Variants in NRG1 observed in about 807,000 individuals in gnomAD.
NRG1 encodes the protein neuregulin 1, also known as pro-neuregulin-1, membrane-bound isoform.
NRG1 carries 18 observed loss-of-function variants against 63.8 expected under a neutral mutation model. The ratio of observed to expected loss-of-function variants is 0.28; its 90% CI spans 0.19 to 0.42. NRG1 has a LOEUF of 0.42. Ranked by LOEUF, NRG1 falls within the 10% of genes least tolerant of loss-of-function variation. NRG1 has a pLI of 1.00. For synonymous variants in NRG1, 302 were observed against 301.3 expected (o/e 1.00, Z -0.02); for missense variants, 762 against 814.7 (o/e 0.94, Z 0.79).
intron 1 of NRG1, among the ~76,000 whole-genome samples, chr8:32,502,537 CTTCTG>C (rs1380231767): frequency 5.5e-5 from 8 of 145,156 alleles, no homozygotes; most frequent in Non-Finnish European, 1.1e-4. Context: ...TTCTCTCTCT[CTTCTG>C]TTCTCTCTCT....
chr8:32,381,758 A>G (rs953601465), intron 1 of NRG1, among the ~76,000 whole-genome samples: 2 of 152,206 alleles, frequency 1.3e-5, no homozygotes, highest in African/African-American at 4.8e-5. Context: ...AGAAAATGTT[A>G]TGGATTTGGC....
chr8:32,434,543 A>G (rs774183813), intron 1 of NRG1, among the ~76,000 whole-genome samples: 2 of 152,140 alleles, frequency 1.3e-5, no homozygotes, highest in East Asian at 1.9e-4. Flanking sequence ...ATCGGGACCC[A>G]CCACTGGGAG....
At chr8:32,701,813 CA>C (rs1457941327) in intron 5 of NRG1, among the ~76,000 whole-genome samples, 2 of 151,980 alleles carry the variant, frequency 1.3e-5, no homozygotes, top group Non-Finnish European at 2.9e-5. Flanking sequence ...TTTAGTTGAA[CA>C]AAAAGAAAAC....
chr8:31,715,118 G>A (rs1233538689), intron 1 of NRG1, among the ~76,000 whole-genome samples: 1 of 151,992 alleles, frequency 6.6e-6, no homozygotes, highest in Non-Finnish European at 1.5e-5. Flanking sequence ...ATTGATTAAG[G>A]AGATCTATTT....
At chr8:32,552,385 A>T (rs981043127) in intron 1 of NRG1, among the ~76,000 whole-genome samples, 4 of 152,054 alleles carry the variant, frequency 2.6e-5, no homozygotes, top group African/African-American at 9.7e-5. Context: ...GCCAGATTCT[A>T]GAACTATCCT....
chr8:31,925,321 C>T (rs899078421), intron 1 of NRG1, among the ~76,000 whole-genome samples: 16 of 151,022 alleles, frequency 1.1e-4, no homozygotes, highest in Non-Finnish European at 2.4e-4. Context: ...TGTAATGACC[C>T]TTTTATCAGT....
At chr8:32,745,777 C>T (rs1287668184) in intron 7 of NRG1, among the ~76,000 whole-genome samples, 1 of 151,998 alleles carries the variant, frequency 6.6e-6, no homozygotes, top group Non-Finnish European at 1.5e-5. Context: ...AAAGCACCCA[C>T]ACTTTCAATA....
chr8:32,726,156 A>G (rs185928685), intron 5 of NRG1, among the ~76,000 whole-genome samples: 50 of 152,316 alleles, frequency 3.3e-4, no homozygotes, highest in Non-Finnish European at 5.1e-4. Flanking sequence ...TTCCAGAATA[A>G]CATGCACATC....
chr8:32,525,799 C>T (rs1197021256), intron 1 of NRG1, among the ~76,000 whole-genome samples: 1 of 152,120 alleles, frequency 6.6e-6, no homozygotes, highest in East Asian at 1.9e-4. Context: ...TTACTTAGCA[C>T]AAATCAACTT....
At chr8:32,161,318 A>T (rs1309884330) in intron 1 of NRG1, among the ~76,000 whole-genome samples, 1 of 152,186 alleles carries the variant, frequency 6.6e-6, no homozygotes. Flanking sequence ...AGACTCATTG[A>T]ATCAGTTAAT....
intron 5 of NRG1, chr8:32,646,805 TC>T: frequency 2.0e-6 from 2 of 985,052 alleles, no homozygotes; most frequent in East Asian, 2.3e-4. Flanking sequence ...AAATAGGAAG[TC>T]ACTGGCAGTC....
intron 1 of NRG1, among the ~76,000 whole-genome samples, chr8:32,332,026 A>G (rs1240312753): frequency 6.6e-6 from 1 of 152,030 alleles, no homozygotes; most frequent in Non-Finnish European, 1.5e-5. Flanking sequence ...TGGCTCATAC[A>G]TGTAACCCCA....
At chr8:31,805,827 C>CAAAA (rs58107730) in intron 1 of NRG1, among the ~76,000 whole-genome samples, 20 of 105,256 alleles carry the variant, frequency 1.9e-4, no homozygotes, top group Admixed American at 5.6e-4. Context: ...GACTCCGTCT[C>CAAAA]AAAAAAAAAA....
intron 1 of NRG1, among the ~76,000 whole-genome samples, chr8:32,444,046 CTT>C (rs967033352): frequency 8.4e-5 from 12 of 143,488 alleles, no homozygotes; most frequent in Non-Finnish European, 1.4e-4. Context: ...TCCTTCCTTT[CTT>C]TTTCTTTCTC....
chr8:32,214,135 A>G (rs966538457), intron 1 of NRG1, among the ~76,000 whole-genome samples: 5 of 152,042 alleles, frequency 3.3e-5, no homozygotes, highest in African/African-American at 1.2e-4. Context: ...GGGAGGGAAA[A>G]CACCTTTGCA....
intron 1 of NRG1, among the ~76,000 whole-genome samples, chr8:32,104,074 T>C (rs889338312): frequency 2.7e-5 from 4 of 150,104 alleles, no homozygotes; most frequent in African/African-American, 9.7e-5. Flanking sequence ...GATAAATGCA[T>C]TATTAGACTA....
chr8:32,655,784 G>A (rs549183908), intron 5 of NRG1, among the ~76,000 whole-genome samples: 11 of 152,148 alleles, frequency 7.2e-5, no homozygotes, highest in Non-Finnish European at 1.3e-4. Flanking sequence ...TAGGGAAAGC[G>A]ATAAGGAGTT....
rs149989872 is a variant in NRG1, at chr8:31,840,965, G to A, written c.37+201534G>A. Among the ~76,000 whole-genome samples, 6 of 152,270 alleles carry A rather than the reference G, an allele frequency of 3.9e-5. No homozygotes were observed. In the East Asian group the frequency reaches 5.8e-4, roughly 15 times the overall value. ...TATTCATTCATTCATATTGCCATGT[G>A]TGTTCAACAAATATTTTGGGATGCC... On this transcript the variant is annotated intron_variant, in intron 1 of 10. Transcript: ENST00000519301.
At chr8:31,710,645 A>C (rs1271908489) in intron 1 of NRG1, among the ~76,000 whole-genome samples, 1 of 152,018 alleles carries the variant, frequency 6.6e-6, no homozygotes, top group South Asian at 2.1e-4. Context: ...GAAAAATAAG[A>C]CCATCTACTT....
Sources: allele counts gnomAD v4.1 joint callset (sites outside exome capture counted in the v4.1 genomes callset), GRCh38; gene constraint gnomAD v4.1.1; transcripts MANE v1.5; gene names NCBI Gene and HGNC (gene_info 2026-07-23, HGNC 2026-07-21).